Variants in WDFY3 observed in about 807,000 individuals in gnomAD.
The protein encoded by WDFY3 is WD repeat and FYVE domain-containing protein 3.
In WDFY3, 66 loss-of-function variants were observed where a neutral mutation model predicts 409.6. The observed-to-expected ratio is 0.16, with a 90% CI of 0.13 to 0.20. WDFY3 has a LOEUF of 0.20. WDFY3 is among the 10% of genes least tolerant of loss of function. WDFY3 has a pLI of 1.00. For synonymous variants in WDFY3, 1,521 were observed against 1,537.1 expected (o/e 0.99, Z 0.25); for missense variants, 3,031 against 4,298.1 (o/e 0.71, Z 8.24).
chr4:84,800,167 A>C (rs754806513), intron 17 of WDFY3, among the ~76,000 whole-genome samples: 2 of 152,242 alleles, frequency 1.3e-5, no homozygotes, highest in Non-Finnish European at 2.9e-5. Context: ...GCCTGATACA[A>C]CACCATTTAA....
intron 2 of WDFY3, among the ~76,000 whole-genome samples, chr4:84,914,679 T>C (rs1579105955): frequency 2.0e-5 from 3 of 152,048 alleles, no homozygotes; most frequent in Admixed American, 1.3e-4. Context: ...TCCAAAAAAA[T>C]GGAAAATAAC....
chr4:84,947,909 A>G, intron 1 of WDFY3, among the ~76,000 whole-genome samples: 1 of 151,908 alleles, frequency 6.6e-6, no homozygotes, highest in East Asian at 1.9e-4. Flanking sequence ...TAAATAAATA[A>G]ATAAAATTCC....
Position 84,726,912 on chromosome 4 carries a change from C to T in WDFY3, c.7222-1G>A. The T allele has an allele frequency of 1.2e-6, 2 of 1,604,164 alleles. No homozygotes were observed. The highest frequency in any genetic ancestry group is 1.7e-6 in the Non-Finnish European group (2 of 1,177,026). On this transcript the variant is annotated splice_acceptor_variant, in intron 44 of 67. Transcript: ENST00000295888. LOFTEE classifies it high-confidence loss of function. ...CAGGCTGTTTACTTGGGATCTCAGACTGAAAACAGGGTATTAAGTATAGAC... is the reference window on the plus strand; with the variant it reads ...CAGGCTGTTTACTTGGGATCTCAGATTGAAAACAGGGTATTAAGTATAGAC...
At chr4:84,934,576 C>G (rs895654931) in intron 1 of WDFY3, among the ~76,000 whole-genome samples, 1 of 152,110 alleles carries the variant, frequency 6.6e-6, no homozygotes, top group East Asian at 1.9e-4. Flanking sequence ...GTTAGGAATT[C>G]AGGTGGCAGT....
intron 36 of WDFY3, among the ~76,000 whole-genome samples, 167 bp from the exon 37 acceptor site, chr4:84,743,966 G>T (rs1358422387): frequency 6.6e-6 from 1 of 150,976 alleles, no homozygotes. Flanking sequence ...GGTCTTTCAC[G>T]TATTTTCTGA....
At chr4:84,918,828 GAT>G (rs139610468) in intron 2 of WDFY3, among the ~76,000 whole-genome samples, 7 of 145,566 alleles carry the variant, frequency 4.8e-5, no homozygotes, top group East Asian at 2.0e-4. Context: ...TATATATATA[GAT>G]ATATATATAC....
chr4:84,817,171 C>A (rs1451848306), intron 13 of WDFY3, among the ~76,000 whole-genome samples: 2 of 151,990 alleles, frequency 1.3e-5, no homozygotes, highest in African/African-American at 4.8e-5. Flanking sequence ...TCCAGTAAGT[C>A]AAGATAATTA....
intron 55 of WDFY3, among the ~76,000 whole-genome samples, chr4:84,703,689 A>G (rs1731452908): frequency 6.6e-6 from 1 of 152,120 alleles, no homozygotes; most frequent in Non-Finnish European, 1.5e-5. Context: ...CCTCCTTTAG[A>G]CTTTTTTTCA....
chr4:84,786,507 C>T (rs1228447719), intron 23 of WDFY3, among the ~76,000 whole-genome samples: 1 of 152,102 alleles, frequency 6.6e-6, no homozygotes, highest in Non-Finnish European at 1.5e-5. Flanking sequence ...CACTATGTCC[C>T]CTCCCCTAAA....
At chr4:84,927,354 T>A (rs2150924146) in intron 2 of WDFY3, among the ~76,000 whole-genome samples, 1 of 152,072 alleles carries the variant, frequency 6.6e-6, no homozygotes, top group South Asian at 2.1e-4. Flanking sequence ...CCTTATAGAT[T>A]AACTCATACA....
At chr4:84,710,922 T>A (rs1424424082) in intron 51 of WDFY3, among the ~76,000 whole-genome samples, 4 of 152,138 alleles carry the variant, frequency 2.6e-5, no homozygotes, top group African/African-American at 9.7e-5. Flanking sequence ...TTTCTGGGGT[T>A]AAAAAAAGCA....
intron 13 of WDFY3, among the ~76,000 whole-genome samples, chr4:84,815,786 T>C (rs1753211433): frequency 6.6e-6 from 1 of 152,140 alleles, no homozygotes; most frequent in Non-Finnish European, 1.5e-5. Context: ...GCTGATCATT[T>C]AGTTACGGTA....
At chr4:84,963,475 G>A (rs772361045) in intron 1 of WDFY3, among the ~76,000 whole-genome samples, 13 of 151,416 alleles carry the variant, frequency 8.6e-5, no homozygotes, top group Middle Eastern at 3.4e-3. Context: ...GGGGAAATTC[G>A]TAATCACAGG....
intron 30 of WDFY3, among the ~76,000 whole-genome samples, chr4:84,770,553 T>C (rs1744501575): frequency 6.6e-6 from 1 of 152,190 alleles, no homozygotes; most frequent in South Asian, 2.1e-4. Flanking sequence ...TAAAGTTTCA[T>C]GGTTATATAC....
Position 84,691,663 on chromosome 4 carries a change from T to C in WDFY3, c.9172A>G (p.Ser3058Gly). ...GACTCATAGGTTCCCAGTCTGCAAC[T>C]GAGGTCTGCATAGCCCCAAGCAAAA... is the stretch of plus-strand genomic sequence containing the variant. ...KTFAWGYADL[S>G]CRLGTYESDK... Residue 3058 changes from serine to glycine, a missense_variant, in exon 60 of 68, where the codon AGT (serine) becomes GGT (glycine). By Grantham distance (56) the Ser-to-Gly change is moderately conservative. This residue lies in a region of WDFY3 where 152 missense variants were observed against 193.5 expected (regional missense o/e 0.79). Transcript: ENST00000295888. The C allele has an allele frequency of 6.2e-7, 1 of 1,614,062 alleles. No homozygotes were observed. Among genetic ancestry groups the C allele is most frequent in the Non-Finnish European group, 8.5e-7 (1 of 1,179,962 alleles).
At chr4:84,931,947 G>GA (rs1770819063) in intron 2 of WDFY3, among the ~76,000 whole-genome samples, 1 of 151,984 alleles carries the variant, frequency 6.6e-6, no homozygotes, top group African/African-American at 2.4e-5. Context: ...ATTTTTCCAG[G>GA]AAAAAACAAG....
At chr4:84,963,342 C>T (rs928226081) in intron 1 of WDFY3, among the ~76,000 whole-genome samples, 2 of 150,190 alleles carry the variant, frequency 1.3e-5, no homozygotes, top group African/African-American at 4.9e-5. Flanking sequence ...GAGAATCTCT[C>T]GAAACCCGGG....
chr4:84,838,162 C>T (rs1044236554), intron 6 of WDFY3, among the ~76,000 whole-genome samples: 5 of 152,092 alleles, frequency 3.3e-5, no homozygotes, highest in Non-Finnish European at 7.4e-5. Context: ...TGACTCCTGA[C>T]GAGCCACAAT....
At chr4:84,869,635 A>C (rs760120288) in intron 3 of WDFY3, among the ~76,000 whole-genome samples, 2 of 152,228 alleles carry the variant, frequency 1.3e-5, no homozygotes, top group Non-Finnish European at 2.9e-5. Flanking sequence ...CTTTAGAGTA[A>C]ATCTTTAAAA....
Sources: allele counts gnomAD v4.1 joint callset (sites outside exome capture counted in the v4.1 genomes callset), GRCh38; gene constraint gnomAD v4.1.1; regional missense constraint gnomAD v4.1.1; transcripts MANE v1.5; gene names NCBI Gene and HGNC (gene_info 2026-07-23, HGNC 2026-07-21).